The following SHISA6 variants were observed in gnomAD, a reference collection of about 807,000 sequenced individuals.
SHISA6 encodes protein shisa-6.
SHISA6 carries 22 observed loss-of-function variants against 47.9 expected under a neutral mutation model. The observed-to-expected ratio is 0.46, with a 90% confidence interval of 0.33 to 0.66. The LOEUF is 0.66. Among genes scored for constraint, SHISA6 ranks in the 30% least tolerant of loss-of-function variants. SHISA6 has a pLI of 0.02. For synonymous variants in SHISA6, 388 were observed against 337.8 expected (o/e 1.15, Z -1.63); for missense variants, 680 against 764.6 (o/e 0.89, Z 1.30).
At chr17:11,388,788 GTT>G (rs1194486427) in intron 3 of SHISA6, among the ~76,000 whole-genome samples, 2,260 of 49,088 alleles carry the variant, frequency 0.046, 111 homozygotes, top group South Asian at 0.15. Context: ...TCAAACAAAA[GTT>G]TATATATATA....
intron 3 of SHISA6, among the ~76,000 whole-genome samples, chr17:11,491,914 G>A (rs901419191): frequency 5.3e-5 from 8 of 151,920 alleles, no homozygotes; most frequent in Non-Finnish European, 1.2e-4. Context: ...TGGGATTACA[G>A]GCATGCACCA....
chr17:11,318,299 G>A (rs537631775), intron 2 of SHISA6, among the ~76,000 whole-genome samples: 2 of 152,096 alleles, frequency 1.3e-5, no homozygotes, highest in South Asian at 2.1e-4. Flanking sequence ...CTTGCTTTTC[G>A]GAAACTGGCA....
chr17:11,293,505 G>T (rs1371324103), intron 2 of SHISA6, among the ~76,000 whole-genome samples: 1 of 152,184 alleles, frequency 6.6e-6, no homozygotes, highest in African/African-American at 2.4e-5. Context: ...TGAGAGCATG[G>T]ATCAGGAAAC....
intron 3 of SHISA6, among the ~76,000 whole-genome samples, chr17:11,389,145 C>A (rs1192881872): frequency 6.6e-6 from 1 of 152,074 alleles, no homozygotes; most frequent in East Asian, 2.0e-4. Context: ...ACGGAGTCCA[C>A]CTCTAAGGTA....
chr17:11,438,128 G>A (rs1914991402), intron 3 of SHISA6, among the ~76,000 whole-genome samples: 1 of 152,152 alleles, frequency 6.6e-6, no homozygotes, highest in African/African-American at 2.4e-5. Flanking sequence ...ATTACTCATT[G>A]CCTTCTTGGT....
intron 2 of SHISA6, among the ~76,000 whole-genome samples, chr17:11,324,985 G>A (rs891109543): frequency 6.6e-6 from 1 of 152,020 alleles, no homozygotes; most frequent in Admixed American, 6.6e-5. Flanking sequence ...TGCCAATTTT[G>A]CTCCTCACAA....
rs564173598 is a variant in SHISA6 at position 11,507,480 on chromosome 17, C to G, written c.896-44416C>G. 3.3e-5 allele frequency among the ~76,000 whole-genome samples: 5 copies of G among 152,342 alleles called. No homozygotes were observed. In the East Asian group the frequency reaches 9.7e-4, roughly 29 times the overall value. On this transcript the variant is annotated intron_variant, in intron 3 of 5. Coordinates refer to ENST00000441885, the MANE Select transcript of SHISA6 (RefSeq NM_207386.4). ...CCAGGCAGATCTCAGTCTGCATTGC[C>G]TTGGGCAATAAGAGATGTCTTATGT...
At chr17:11,307,143 C>CT (rs56109461) in intron 2 of SHISA6, among the ~76,000 whole-genome samples, 123,962 of 145,184 alleles carry the variant, frequency 0.85, 53,663 homozygotes, top group East Asian at 1. Flanking sequence ...TGTTTGTTTT[C>CT]TTTTTTTTTC....
chr17:11,418,002 A>G (rs1914334307), intron 3 of SHISA6, among the ~76,000 whole-genome samples: 1 of 152,218 alleles, frequency 6.6e-6, no homozygotes, highest in Admixed American at 6.5e-5. Flanking sequence ...AGAAACACAC[A>G]TTAGTGTATC....
At chr17:11,412,677 G>T (rs971746678) in intron 3 of SHISA6, among the ~76,000 whole-genome samples, 10 of 152,134 alleles carry the variant, frequency 6.6e-5, no homozygotes, top group African/African-American at 2.4e-4. Flanking sequence ...AAGTAGCTGG[G>T]ACTACAGGCA....
chr17:11,389,581 A>C (rs1040018195), intron 3 of SHISA6, among the ~76,000 whole-genome samples: 33 of 152,088 alleles, frequency 2.2e-4, no homozygotes, highest in Non-Finnish European at 5.9e-5. Context: ...TGCTTTCTTT[A>C]CCATCTCTTT....
intron 1 of SHISA6, among the ~76,000 whole-genome samples, chr17:11,252,628 G>A (rs887113648): frequency 1.3e-5 from 2 of 152,206 alleles, no homozygotes; most frequent in African/African-American, 2.4e-5. Context: ...CACCATAGGA[G>A]CAAAGAAGGG....
chr17:11,443,742 G>A (rs1207053430), intron 3 of SHISA6, among the ~76,000 whole-genome samples: 1 of 152,138 alleles, frequency 6.6e-6, no homozygotes, highest in African/African-American at 2.4e-5. Context: ...AGTAATAGTA[G>A]TGGTATTAAG....
chr17:11,395,358 G>T (rs1337964486), intron 3 of SHISA6, among the ~76,000 whole-genome samples: 1 of 151,814 alleles, frequency 6.6e-6, no homozygotes, highest in African/African-American at 2.4e-5. Flanking sequence ...CTCTGCCACA[G>T]GCCCTCTAAC....
At chr17:11,320,764 C>T (rs572888240) in intron 2 of SHISA6, among the ~76,000 whole-genome samples, 2 of 152,266 alleles carry the variant, frequency 1.3e-5, no homozygotes, top group African/African-American at 4.8e-5. Context: ...CTGTGAGAAG[C>T]ACTCATTTTT....
At chr17:11,474,732 A>G (rs1294960594) in intron 3 of SHISA6, among the ~76,000 whole-genome samples, 1 of 152,144 alleles carries the variant, frequency 6.6e-6, no homozygotes, top group Non-Finnish European at 1.5e-5. Flanking sequence ...CACTGGCTTA[A>G]TTACTGTAAC....
At chr17:11,527,629 A>G (rs1169545292) in intron 3 of SHISA6, among the ~76,000 whole-genome samples, 2 of 152,210 alleles carry the variant, frequency 1.3e-5, no homozygotes, top group Non-Finnish European at 2.9e-5. Flanking sequence ...GGTTGGCACT[A>G]TGAGAGTGGG....
At chr17:11,267,634 A>G (rs1292980595) in intron 2 of SHISA6, among the ~76,000 whole-genome samples, 1 of 152,188 alleles carries the variant, frequency 6.6e-6, no homozygotes, top group Non-Finnish European at 1.5e-5. Flanking sequence ...GTTTTGAGGG[A>G]ACTGGAGGAA....
At chr17:11,449,270 C>T (rs1433539837) in intron 3 of SHISA6, among the ~76,000 whole-genome samples, 6 of 151,758 alleles carry the variant, frequency 4.0e-5, no homozygotes, top group South Asian at 2.1e-4. Flanking sequence ...GGTGAAACCT[C>T]GTCTCTACTA....
Sources: allele counts gnomAD v4.1 joint callset (sites outside exome capture counted in the v4.1 genomes callset), GRCh38; gene constraint gnomAD v4.1.1; transcripts MANE v1.5; gene names NCBI Gene and HGNC (gene_info 2026-07-23, HGNC 2026-07-21).